Variants in PHF20 observed in about 807,000 individuals in gnomAD.
PHF20 encodes glioma-expressed antigen 2.
PHF20 carries 23 observed loss-of-function variants against 113.5 expected under a neutral mutation model. The ratio of observed to expected loss-of-function variants is 0.20; its 90% CI spans 0.15 to 0.29. The LOEUF is 0.29. Among genes scored for constraint, PHF20 ranks in the 10% least tolerant of loss-of-function variants. The pLI is 1.00. For missense variants in PHF20, 943 were observed against 1,219.6 expected (o/e 0.77, Z 3.38); for synonymous variants, 434 against 457.3 (o/e 0.95, Z 0.65).
chr20:35,789,315 C>T (rs2041489946), intron 1 of PHF20, among the ~76,000 whole-genome samples: 2 of 151,502 alleles, frequency 1.3e-5, no homozygotes, highest in African/African-American at 4.8e-5. Flanking sequence ...CCTGTAATTC[C>T]AGCTACTTGG....
chr20:35,910,428 C>T (rs1272002136), intron 10 of PHF20, among the ~76,000 whole-genome samples: 1 of 152,108 alleles, frequency 6.6e-6, no homozygotes, highest in Non-Finnish European at 1.5e-5. Context: ...GTACAATGAA[C>T]TACACATATT....
chr20:35,814,896 T>TA (rs980960617), intron 2 of PHF20, among the ~76,000 whole-genome samples: 10 of 135,422 alleles, frequency 7.4e-5, no homozygotes, highest in Non-Finnish European at 1.3e-4. Flanking sequence ...AAAAATAAAA[T>TA]AAATAAATAA....
chr20:35,859,009 T>C (rs953979698), intron 5 of PHF20, among the ~76,000 whole-genome samples: 1 of 152,260 alleles, frequency 6.6e-6, no homozygotes, highest in Admixed American at 6.5e-5. Context: ...CCACAAGAGC[T>C]GTTAGCCATA....
chr20:35,791,236 C>T (rs1016192701), intron 1 of PHF20, among the ~76,000 whole-genome samples: 1 of 152,006 alleles, frequency 6.6e-6, no homozygotes, highest in Non-Finnish European at 1.5e-5. Flanking sequence ...TGAAGATTGG[C>T]AACAGTGTAA....
rs1162317554 is a variant in PHF20 at position 35,880,528 on chromosome 20, A to G, written c.1282+8699A>G. Among the ~76,000 whole-genome samples, 5 of 152,154 alleles carry G rather than the reference A, an allele frequency of 3.3e-5. No individual in the cohort carries two copies. In the South Asian group the frequency reaches 6.2e-4, roughly 19 times the overall value. The stretch of plus-strand genomic sequence containing the variant: ...TGGCCATAAGGTATTTTTTCTGCAT[A>G]TATTTTAAAGAAGTTTTTATTTTGA... On this transcript the variant is annotated intron_variant, in intron 9 of 17. Transcript: ENST00000374012.
chr20:35,832,831 C>T (rs904177825), intron 2 of PHF20, among the ~76,000 whole-genome samples: 5 of 152,092 alleles, frequency 3.3e-5, no homozygotes, highest in Non-Finnish European at 5.9e-5. Flanking sequence ...AGGTGGATCA[C>T]GAGGTCAGGA....
chr20:35,901,313 G>A (rs1411664482), intron 10 of PHF20, among the ~76,000 whole-genome samples: 8 of 151,716 alleles, frequency 5.3e-5, no homozygotes, highest in African/African-American at 1.5e-4. Flanking sequence ...CACTCAGGAG[G>A]CTGAGGCAGG....
At chr20:35,794,337 T>C (rs1030963725) in intron 1 of PHF20, among the ~76,000 whole-genome samples, 1 of 151,546 alleles carries the variant, frequency 6.6e-6, no homozygotes, top group African/African-American at 2.4e-5. Flanking sequence ...ATGACCCTTA[T>C]GTATGTGCTT....
intron 2 of PHF20, among the ~76,000 whole-genome samples, chr20:35,809,699 T>C (rs1257098029): frequency 6.9e-6 from 1 of 144,166 alleles, no homozygotes; most frequent in African/African-American, 2.6e-5. Flanking sequence ...GCCTGGACAA[T>C]ATAATGAGAC....
chr20:35,921,756 T>G (rs6060684), intron 13 of PHF20, among the ~76,000 whole-genome samples: 11,803 of 151,564 alleles, frequency 0.078, 716 homozygotes, highest in South Asian at 0.2. Flanking sequence ...TTTAGTAGAT[T>G]TTTTTTAAGT....
chr20:35,921,929 C>CT (rs2055524983), intron 13 of PHF20, among the ~76,000 whole-genome samples: 1 of 152,096 alleles, frequency 6.6e-6, no homozygotes, highest in African/African-American at 2.4e-5. Flanking sequence ...GCTATTCTGT[C>CT]TAACAGTATG....
intron 9 of PHF20, among the ~76,000 whole-genome samples, chr20:35,891,426 A>G (rs970580290): frequency 2.6e-5 from 4 of 152,186 alleles, no homozygotes; most frequent in Admixed American, 1.3e-4. Flanking sequence ...CATTTTAGAA[A>G]AAGGAATAAA....
chr20:35,919,501 G>A (rs374134480), intron 13 of PHF20, among the ~76,000 whole-genome samples: 36 of 151,910 alleles, frequency 2.4e-4, no homozygotes, highest in South Asian at 2.3e-3. Context: ...CACCATGCCC[G>A]GCTAATTTTT....
At chr20:35,817,318 G>A (rs1180347906) in intron 2 of PHF20, among the ~76,000 whole-genome samples, 2 of 151,932 alleles carry the variant, frequency 1.3e-5, no homozygotes, top group Non-Finnish European at 2.9e-5. Context: ...TCCCAAATAG[G>A]AGGGATTACG....
In PHF20 at chr20:35,871,668, T is replaced by C. The variant is rs765736054; in HGVS notation, c.1121T>C (p.Leu374Ser). The change falls in exon 9 of 18, where the codon TTG becomes TCG. Residue 374 changes from leucine to serine, a missense_variant. Leu to Ser is a moderately radical substitution (Grantham distance 145). Coordinates refer to ENST00000374012, the MANE Select transcript of PHF20 (RefSeq NM_016436.5). Reference protein sequence around the residue: ...ESEEGQLKSALEAGQVSSALT... With the variant: ...ESEEGQLKSASEAGQVSSALT... ...CTTCTAGGTCAGTTGAAGTCTGCTTTGGAAGCTGGCCAGGTCTCATCTGCA... is the reference window on the plus strand; with the variant it reads ...CTTCTAGGTCAGTTGAAGTCTGCTTCGGAAGCTGGCCAGGTCTCATCTGCA... 2 of 1,601,740 alleles carry C rather than the reference T, an allele frequency of 1.2e-6. No individual in the cohort carries two copies. Among genetic ancestry groups the C allele is most frequent in the South Asian group, 2.3e-5 (2 of 88,186 alleles).
intron 1 of PHF20, among the ~76,000 whole-genome samples, chr20:35,792,688 A>G (rs2041581589): frequency 6.6e-6 from 1 of 152,078 alleles, no homozygotes; most frequent in South Asian, 2.1e-4. Context: ...CTCTTTATGC[A>G]CTTTAGTATA....
intron 2 of PHF20, among the ~76,000 whole-genome samples, chr20:35,807,836 C>G (rs1353335431): frequency 6.6e-6 from 1 of 152,048 alleles, no homozygotes; most frequent in South Asian, 2.1e-4. Flanking sequence ...ATTAAAGAAT[C>G]GTTAACATTT....
intron 9 of PHF20, among the ~76,000 whole-genome samples, chr20:35,880,669 A>C (rs1291950590): frequency 6.6e-6 from 1 of 152,174 alleles, no homozygotes; most frequent in Non-Finnish European, 1.5e-5. Flanking sequence ...TCTTTAAAGT[A>C]CTTTTTCTAG....
chr20:35,837,653 T>G (rs553185318), intron 2 of PHF20, among the ~76,000 whole-genome samples: 144 of 152,342 alleles, frequency 9.5e-4, no homozygotes, highest in African/African-American at 3.4e-3. Context: ...AACCTAATAG[T>G]TTTAAAGCCT....
Sources: allele counts gnomAD v4.1 joint callset (sites outside exome capture counted in the v4.1 genomes callset), GRCh38; gene constraint gnomAD v4.1.1; transcripts MANE v1.5; gene names NCBI Gene and HGNC (gene_info 2026-07-23, HGNC 2026-07-21).